Variants in SUGCT observed in about 807,000 individuals in gnomAD.
SUGCT encodes succinyl-CoA:glutarate-CoA transferase.
Under a neutral mutation model 55.0 loss-of-function variants are expected in SUGCT, and 41 were observed. That is an observed-to-expected ratio of 0.74 (90% CI 0.58 to 0.97). The LOEUF is 0.97. Among genes scored for constraint, SUGCT ranks in the 50% least tolerant of loss-of-function variants. The pLI is 0.00. For synonymous variants in SUGCT, 187 were observed against 200.4 expected (o/e 0.93, Z 0.56); for missense variants, 568 against 547.8 (o/e 1.04, Z -0.37).
At chr7:40,472,558 A>G (rs1183379461) in intron 11 of SUGCT, among the ~76,000 whole-genome samples, 1 of 152,092 alleles carries the variant, frequency 6.6e-6, no homozygotes, top group African/African-American at 2.4e-5. Context: ...CACGTTTTTT[A>G]ATGTGAACAT....
At chr7:40,173,089 C>A (rs1194465811) in intron 1 of SUGCT, among the ~76,000 whole-genome samples, 1 of 152,160 alleles carries the variant, frequency 6.6e-6, no homozygotes, top group Non-Finnish European at 1.5e-5. Context: ...TATTCTTTGA[C>A]CTGGGGTTCT....
At chr7:40,989,680 A>G in the SUGCT span, among the ~76,000 whole-genome samples, 4 of 152,124 alleles carry the variant, frequency 2.6e-5, no homozygotes, top group Non-Finnish European at 2.9e-5. Flanking sequence ...CTGAGGCAGA[A>G]GAATCGCTGG....
At chr7:40,773,148 G>A (rs1036556284) in intron 13 of SUGCT, among the ~76,000 whole-genome samples, 1 of 151,720 alleles carries the variant, frequency 6.6e-6, no homozygotes, top group Non-Finnish European at 1.5e-5. Flanking sequence ...CTTTTTTTGA[G>A]ATGGAGTTTT....
the SUGCT span, among the ~76,000 whole-genome samples, chr7:41,019,081 T>G: frequency 1.3e-5 from 2 of 152,168 alleles, no homozygotes; most frequent in Admixed American, 6.5e-5. Context: ...AATTTTTGTA[T>G]TTTTAGTAGA....
At chr7:40,542,773 T>G (rs1214502105) in intron 12 of SUGCT, among the ~76,000 whole-genome samples, 1 of 152,226 alleles carries the variant, frequency 6.6e-6, no homozygotes, top group Non-Finnish European at 1.5e-5. Flanking sequence ...GCCTTTCGAC[T>G]GCAAAGACTG....
chr7:40,423,466 G>A (rs539540905), intron 9 of SUGCT, among the ~76,000 whole-genome samples: 2 of 152,078 alleles, frequency 1.3e-5, no homozygotes, highest in Non-Finnish European at 2.9e-5. Context: ...ATATAACTTT[G>A]CTTTACAGTA....
the SUGCT span, among the ~76,000 whole-genome samples, chr7:40,943,693 G>A: frequency 6.7e-6 from 1 of 149,532 alleles, no homozygotes; most frequent in Non-Finnish European, 1.5e-5. Context: ...TGGACATTTG[G>A]GTCGGTTCCA....
intron 12 of SUGCT, among the ~76,000 whole-genome samples, chr7:40,726,019 C>G (rs1241565994): frequency 6.6e-6 from 1 of 152,090 alleles, no homozygotes; most frequent in Non-Finnish European, 1.5e-5. Flanking sequence ...AGTTTTGGCC[C>G]TGGCACCAGG....
chr7:40,854,406 T>C (rs1794025857), intron 13 of SUGCT, among the ~76,000 whole-genome samples: 1 of 105,554 alleles, frequency 9.5e-6, no homozygotes, highest in East Asian at 5.1e-4. Context: ...TTTCTTTCTT[T>C]CTTTCTTTCT....
the SUGCT span, among the ~76,000 whole-genome samples, chr7:40,959,995 G>A: frequency 1.3e-5 from 2 of 152,082 alleles, no homozygotes; most frequent in Admixed American, 1.3e-4. Flanking sequence ...CACCCTCTAT[G>A]GGCTGCACCC....
chr7:41,021,734 T>C, the SUGCT span, among the ~76,000 whole-genome samples: 1 of 152,104 alleles, frequency 6.6e-6, no homozygotes, highest in East Asian at 1.9e-4. Context: ...TGACACTGTG[T>C]GTAAAGAACA....
Position 40,860,347 on chromosome 7 carries a change from G to A in SUGCT, c.1185G>A (p.Met395Ile), listed in dbSNP as rs761903613. Residue 395 changes from methionine to isoleucine, a missense_variant, in exon 14 of 14, where the codon ATG becomes ATA. By Grantham distance (10) the Met-to-Ile change is conservative. Coordinates refer to ENST00000335693, the MANE Select transcript of SUGCT (RefSeq NM_001193313.2). Reference sequence around the variant, plus strand: ...CTGTGAGATACAGTAAGTTCAAGATGTCAGAGGCCAGGCCGCCCCCGCTGC... The same window carrying A: ...CTGTGAGATACAGTAAGTTCAAGATATCAGAGGCCAGGCCGCCCCCGCTGC... ...GPAVRYSKFK[M>I]SEARPPPLLG... is the part of the protein sequence containing the mutation. The A allele has an allele frequency of 8.7e-6, 14 of 1,613,868 alleles. No homozygotes were observed. The highest frequency in any genetic ancestry group is 6.7e-5 in the Admixed American group (4 of 60,008).
At chr7:40,875,463 T>C in the SUGCT span, among the ~76,000 whole-genome samples, 1 of 152,184 alleles carries the variant, frequency 6.6e-6, no homozygotes, top group African/African-American at 2.4e-5. Context: ...ATATCTTCCA[T>C]TCCAGGCTAA....
At chr7:40,755,697 C>T (rs1362308186) in intron 13 of SUGCT, among the ~76,000 whole-genome samples, 6 of 152,214 alleles carry the variant, frequency 3.9e-5, no homozygotes, top group Admixed American at 3.9e-4. Context: ...TGCAGTTTCT[C>T]ACCATAACCT....
chr7:40,736,238 T>G (rs1441196512), intron 12 of SUGCT, among the ~76,000 whole-genome samples: 1 of 68,152 alleles, frequency 1.5e-5, no homozygotes, highest in East Asian at 4.2e-4. Flanking sequence ...TATCAATATA[T>G]AATATATAAT....
At chr7:40,337,477 G>C (rs2151166295) in intron 9 of SUGCT, among the ~76,000 whole-genome samples, 1 of 152,288 alleles carries the variant, frequency 6.6e-6, no homozygotes, top group East Asian at 1.9e-4. Flanking sequence ...TCTTCTTGTT[G>C]AATTGATCCC....
intron 12 of SUGCT, among the ~76,000 whole-genome samples, chr7:40,710,301 G>A (rs988475371): frequency 2.6e-5 from 4 of 152,126 alleles, no homozygotes; most frequent in African/African-American, 9.7e-5. Context: ...ACACAACCTT[G>A]AAGTTGCTTT....
chr7:40,904,257 A>G, the SUGCT span, among the ~76,000 whole-genome samples: 3 of 152,138 alleles, frequency 2.0e-5, no homozygotes, highest in Admixed American at 2.0e-4. Context: ...GACGCCAGGG[A>G]GGCTGTTTAG....
Position 40,191,924 on chromosome 7 carries a change from A to T in SUGCT, c.363+2330A>T, listed in dbSNP as rs143105122. Among the ~76,000 whole-genome samples, 857 of 152,176 alleles carry T rather than the reference A, an allele frequency of 5.6e-3. 6 individuals are homozygous for T. Among genetic ancestry groups the T allele is most frequent in the African/African-American group, 0.019 (796 of 41,530 alleles). On this transcript the variant is annotated intron_variant, in intron 5 of 13. Transcript: ENST00000335693. ...GGACTTCGAGACCAGCCTGGCCAAC[A>T]TGGTGAAACCCTGTCTCTACTAGAA...
Sources: gnomAD v4.1 joint callset for allele counts (sites outside exome capture counted in the v4.1 genomes callset) on GRCh38, gnomAD v4.1.1 for gene constraint, MANE v1.5 for transcripts, NCBI Gene and HGNC (gene_info 2026-07-23, HGNC 2026-07-21) for gene names.